ACACB: variants seen among roughly 807,000 people sequenced by gnomAD.
The protein encoded by ACACB is acetyl-CoA carboxylase 2.
ACACB carries 209 observed loss-of-function variants against 278.8 expected under a neutral mutation model. The observed-to-expected ratio is 0.75, with a 90% CI of 0.67 to 0.84. The LOEUF (loss-of-function observed/expected upper bound fraction) is 0.84, where lower values mean the gene tolerates loss of function less well. Among genes scored for constraint, ACACB ranks in the 40% least tolerant of loss-of-function variants. The probability of loss-of-function intolerance (pLI) is 0.00; values close to 1 mark genes in which losing one functional copy is unlikely to be tolerated. For missense variants in ACACB, 2,850 were observed against 3,269.0 expected, an observed-to-expected ratio of 0.87 and a Z score of 3.13; for synonymous variants, 1,174 against 1,285.6, an observed-to-expected ratio of 0.91 and a Z score of 1.86.
At position 109,210,173 on chromosome 12, in the gene ACACB, ATG is replaced by A. The variant is rs1272266396; in HGVS notation, c.3249+822_3249+823del. On this transcript the variant is annotated intron_variant, in intron 21 of 52. Transcript: ENST00000338432. ...TATACACACGTGTGTATATGTATAT[ATG>A]TATATATACACACGTGTGTATATGT... 4.9e-5 allele frequency among the ~76,000 whole-genome samples: 2 copies of A among 40,460 alleles called. 1 individual carries two copies. The highest frequency in any genetic ancestry group is 1.0e-4 in the Non-Finnish European group (2 of 19,228). 26.5% of individuals were successfully genotyped at this position (40,460 alleles called of 152,430 possible). A position where few individuals can be genotyped will look rare whatever the true frequency, so the allele number is the denominator to read the frequency against.
chr12:109,188,658 C>T (rs1028278302), intron 13 of ACACB, among the ~76,000 whole-genome samples: 2 of 151,964 alleles, frequency 1.3e-5, no homozygotes, highest in Non-Finnish European at 2.9e-5. Flanking sequence ...ACAGGGTAGG[C>T]CCCATTTAAA....
chr12:109,226,951 CT>C (rs549163206), intron 27 of ACACB, among the ~76,000 whole-genome samples: 3,158 of 143,512 alleles, frequency 0.022, 70 homozygotes, highest in African/African-American at 0.062. Context: ...GCTTAGAAAT[CT>C]TTTTTTTTTT....
chr12:109,212,817 G>A lies in ACACB; in HGVS notation c.3250-19G>A, dbSNP rs1244404027. The A allele has an allele frequency of 1.2e-6, 2 of 1,608,896 alleles. No homozygotes were observed. Among genetic ancestry groups the A allele is most frequent in the Non-Finnish European group, 8.5e-7 (1 of 1,175,314 alleles). The stretch of plus-strand genomic sequence containing the variant: ...ATCTGAATCATCAGCAGTCAGACCT[G>A]TCTTGTTTTCCCATCCAGATAGCCA... On this transcript the variant is annotated intron_variant, in intron 21 of 52. Transcript: ENST00000338432.
chr12:109,145,941 A>C (rs2043233134), intron 2 of ACACB, among the ~76,000 whole-genome samples: 1 of 152,216 alleles, frequency 6.6e-6, no homozygotes, highest in South Asian at 2.1e-4. Context: ...CCTGGGAGGC[A>C]GAGGTTGCAG....
At chr12:109,219,129 C>T (rs1310829149) in intron 24 of ACACB, among the ~76,000 whole-genome samples, 1 of 152,116 alleles carries the variant, frequency 6.6e-6, no homozygotes, top group Admixed American at 6.6e-5. Flanking sequence ...GACGTCCACC[C>T]CCTATTGCCA....
intron 46 of ACACB, 46 bp from the exon 47 acceptor site, chr12:109,258,927 T>C: frequency 6.2e-7 from 1 of 1,607,496 alleles, no homozygotes; most frequent in Non-Finnish European, 8.5e-7. Context: ...CTGTCCTGGG[T>C]TGTGGTTGTG....
chr12:109,179,205 C>T lies in ACACB; in HGVS notation c.1555C>T (p.Arg519Cys), dbSNP rs754977294. Residue 519 changes from arginine to cysteine, a missense_variant, in exon 10 of 53, where the codon CGC becomes TGC. Physicochemically the swap from Arg to Cys is radical, Grantham distance 180. Coordinates refer to ENST00000338432, the MANE Select transcript of ACACB (RefSeq NM_001093.4). ...TGGGAATGCTGTGTCTCTGTTTGGTCGCGACTGCTCCATCCAGCGGCGGCA... is the reference window on the plus strand; with the variant it reads ...TGGGAATGCTGTGTCTCTGTTTGGTTGCGACTGCTCCATCCAGCGGCGGCA... The part of the protein sequence containing the change: ...QYGNAVSLFG[R>C]DCSIQRRHQK... 6.2e-7 allele frequency: 1 copy of T among 1,614,082 alleles called. No individual in the cohort carries two copies. Among genetic ancestry groups the T allele is most frequent in the Non-Finnish European group, 8.5e-7 (1 of 1,180,022 alleles).
Position 109,264,221 on chromosome 12 carries a change from C to G in ACACB, c.6788-11C>G. The G allele has an allele frequency of 6.2e-7, 1 of 1,613,386 alleles. No homozygotes were observed. Among genetic ancestry groups the G allele is most frequent in the South Asian group, 1.1e-5 (1 of 91,056 alleles). On this transcript the variant is annotated splice_polypyrimidine_tract_variant and intron_variant, in intron 49 of 52. Transcript: ENST00000338432. ...TTCCATGGCTTGACTGGCCTTTCTG[C>G]TCACCTGCAGGGGAACCTGATCTCT... is the stretch of plus-strand genomic sequence containing the variant.
intron 21 of ACACB, among the ~76,000 whole-genome samples, chr12:109,211,038 G>C (rs1245955546): frequency 2.6e-5 from 4 of 152,046 alleles, no homozygotes; most frequent in Non-Finnish European, 5.9e-5. Flanking sequence ...ATTTTGTTGT[G>C]GTTGTTGGTT....
Position 109,171,807 on chromosome 12 carries a change from T to C in ACACB, c.928T>C (p.Tyr310His). ...TTCTCCCTCCCATTTAATTTCAGAG[T>C]ACATCAAGATGGCGGATCATTACGT... is the stretch of plus-strand genomic sequence containing the variant. ...TPEDLKANAE[Y>H]IKMADHYVPV... The change falls in exon 5 of 53, where the codon TAC becomes CAC. Residue 310 changes from tyrosine (Y) to histidine (H), a missense_variant and splice_region_variant. Transcript: ENST00000338432. The C allele has an allele frequency of 6.2e-7, 1 of 1,612,164 alleles. No individual in the cohort carries two copies. The highest frequency in any genetic ancestry group is 1.7e-5 in the Admixed American group (1 of 60,004).
chr12:109,123,759 C>T (rs556344795), intron 1 of ACACB, among the ~76,000 whole-genome samples: 3 of 24 alleles, frequency 0.12, no homozygotes, highest in African/African-American at 0.5. Flanking sequence ...ACAATCTCGG[C>T]TCACTTGCAG....
At chr12:109,132,810 C>A (rs2042863712) in intron 1 of ACACB, among the ~76,000 whole-genome samples, 3 of 152,066 alleles carry the variant, frequency 2.0e-5, no homozygotes, top group African/African-American at 7.2e-5. Flanking sequence ...GTAACCCTGG[C>A]AAGGAAGGTT....
chr12:109,255,583 C>G (rs537854542), intron 44 of ACACB, among the ~76,000 whole-genome samples: 6 of 152,350 alleles, frequency 3.9e-5, no homozygotes, highest in South Asian at 2.1e-4. Flanking sequence ...CTGGCTGCCC[C>G]CTCCTGGTCA....
Position 109,166,668 on chromosome 12 carries a change from A to AAAAAAAAC in ACACB, c.654-186_654-185insCAAAAAAA, listed in dbSNP as rs2043912031. ...CCGTCTCAAAAAAAAAAAAAAAAAAAAAAAAAAAACCGAAGGTGCTTCCTG... is the reference window on the plus strand; with the variant it reads ...CCGTCTCAAAAAAAAAAAAAAAAAAAAAAAAAACAAAAAAAAACCGAAGGTGCTTCCTG... On this transcript the variant is annotated intron_variant, in intron 2 of 52. Coordinates refer to ENST00000338432, the MANE Select transcript of ACACB (RefSeq NM_001093.4). 4.8e-5 allele frequency among the ~76,000 whole-genome samples: 7 copies of AAAAAAAAC among 145,344 alleles called. 3 individuals are homozygous for AAAAAAAAC. Among genetic ancestry groups the AAAAAAAAC allele is most frequent in the Non-Finnish European group, 7.6e-5 (5 of 66,024 alleles).
rs557835066 is a variant in ACACB, at chr12:109,265,832, A to G, written c.7250+307A>G. ...TCACAGCTGGAGCAGGGTTGGTCACAGAACCCACATTTGGAACCGCTAGCC... is the reference window on the plus strand; with the variant it reads ...TCACAGCTGGAGCAGGGTTGGTCACGGAACCCACATTTGGAACCGCTAGCC... On this transcript the variant is annotated intron_variant, in intron 52 of 52. Coordinates refer to ENST00000338432, the MANE Select transcript of ACACB (RefSeq NM_001093.4). Among the ~76,000 whole-genome samples the G allele has an allele frequency of 2.4e-4, 36 of 152,294 alleles. 1 individual carries two copies. The South Asian group carries it at 7.4e-3, about 32-fold the overall frequency.
At chr12:109,120,057 G>T (rs1229272046) in intron 1 of ACACB, among the ~76,000 whole-genome samples, 1 of 152,170 alleles carries the variant, frequency 6.6e-6, no homozygotes, top group African/African-American at 2.4e-5. Context: ...TTCAATACTA[G>T]CTATTATAGA....
chr12:109,234,148 C>A, intron 31 of ACACB, 103 bp downstream of exon 31: 1 of 928,122 alleles, frequency 1.1e-6, no homozygotes, highest in Non-Finnish European at 1.7e-6. Flanking sequence ...CTGAGTACTT[C>A]AGAGCCACAG....
chr12:109,123,603 G>A (rs991431932), intron 1 of ACACB, among the ~76,000 whole-genome samples: 1 of 151,640 alleles, frequency 6.6e-6, no homozygotes. Context: ...TGAGGCAGGA[G>A]AATCTTTTGA....
At chr12:109,185,855 A>C in intron 12 of ACACB, 115 bp downstream of exon 12, 3 of 1,052,036 alleles carry the variant, frequency 2.9e-6, no homozygotes, top group Non-Finnish European at 2.6e-6. Flanking sequence ...CTCAGTTTAC[A>C]AATGGGGAAA....
Sources: gnomAD v4.1 joint callset for allele counts (sites outside exome capture counted in the v4.1 genomes callset) on GRCh38, gnomAD v4.1.1 for gene constraint, MANE v1.5 for transcripts, NCBI Gene and HGNC (gene_info 2026-07-23, HGNC 2026-07-21) for gene names.